Variants in HORMAD2 observed in about 807,000 individuals in gnomAD.
The protein encoded by HORMAD2 is HORMA domain containing 2.
A neutral mutation model predicts 38.8 loss-of-function variants in HORMAD2; 45 were observed. The ratio of observed to expected loss-of-function variants is 1.16; its 90% CI spans 0.91 to 1.49. HORMAD2 has a LOEUF of 1.49. Among genes scored for constraint, HORMAD2 ranks in the 40% most tolerant of loss-of-function variants. The pLI, the probability that HORMAD2 is intolerant of heterozygous loss-of-function variation, is 0.00. For synonymous variants in HORMAD2, 126 were observed against 122.8 expected, an observed-to-expected ratio of 1.03 and a Z score of -0.17; for missense variants, 338 against 367.0, an observed-to-expected ratio of 0.92 and a Z score of 0.65.
chr22:30,172,395 G>A (rs1346361688), intron 10 of HORMAD2, among the ~76,000 whole-genome samples: 2 of 152,186 alleles, frequency 1.3e-5, no homozygotes, highest in East Asian at 3.8e-4. Context: ...TACTGTAATT[G>A]TGTACTTAAT....
the HORMAD2 span, among the ~76,000 whole-genome samples, chr22:30,182,265 T>G: frequency 6.6e-6 from 1 of 152,174 alleles, no homozygotes. Flanking sequence ...GCTCAATGAG[T>G]TAATACAGGA....
At chr22:30,127,311 C>T (rs555160636) in intron 10 of HORMAD2, among the ~76,000 whole-genome samples, 5 of 146,444 alleles carry the variant, frequency 3.4e-5, no homozygotes, top group South Asian at 2.2e-4. Context: ...CTGATTCAAG[C>T]GATTCTCCTG....
At chr22:30,164,646 T>G (rs148563926) in intron 10 of HORMAD2, among the ~76,000 whole-genome samples, 6 of 152,182 alleles carry the variant, frequency 3.9e-5, no homozygotes, top group Admixed American at 2.0e-4. Flanking sequence ...AACTCAGGAT[T>G]TTGTTTGTTT....
intron 10 of HORMAD2, among the ~76,000 whole-genome samples, chr22:30,146,259 G>C (rs1236487544): frequency 6.6e-6 from 1 of 152,184 alleles, no homozygotes; most frequent in Non-Finnish European, 1.5e-5. Flanking sequence ...TGGGGAGGCT[G>C]AGGCCAGTGG....
At chr22:30,195,329 T>A in the HORMAD2 span, among the ~76,000 whole-genome samples, 1 of 152,220 alleles carries the variant, frequency 6.6e-6, no homozygotes, top group African/African-American at 2.4e-5. Flanking sequence ...GATCCTTTCA[T>A]TTCAAGGAGC....
chr22:30,137,433 G>A (rs1435602813), intron 10 of HORMAD2: 2 of 389,010 alleles, frequency 5.1e-6, no homozygotes, highest in Non-Finnish European at 1.0e-5. Context: ...GCTGCAGTGA[G>A]CTGTTGATCA....
intron 7 of HORMAD2, among the ~76,000 whole-genome samples, chr22:30,117,670 G>A (rs1307195554): frequency 6.6e-6 from 1 of 151,830 alleles, no homozygotes; most frequent in South Asian, 2.1e-4. Flanking sequence ...CACCACGCCC[G>A]GCTAATTTTT....
chr22:30,168,453 G>A (rs1443848566), intron 10 of HORMAD2, among the ~76,000 whole-genome samples: 1 of 152,138 alleles, frequency 6.6e-6, no homozygotes, highest in Non-Finnish European at 1.5e-5. Context: ...CATAGTCAAT[G>A]CCTGGTGGAC....
intron 10 of HORMAD2, among the ~76,000 whole-genome samples, chr22:30,145,947 A>G (rs1924385473): frequency 6.6e-6 from 1 of 152,226 alleles, no homozygotes; most frequent in Non-Finnish European, 1.5e-5. Flanking sequence ...ATGGACCACA[A>G]TATCTCTCAT....
intron 7 of HORMAD2, among the ~76,000 whole-genome samples, chr22:30,114,614 A>T (rs1921904782): frequency 1.3e-5 from 2 of 152,220 alleles, no homozygotes; most frequent in South Asian, 4.1e-4. Context: ...TTTCCTAAAC[A>T]AAATTGCACA....
rs2068450543 is a variant in HORMAD2 at position 30,080,510 on chromosome 22, C to T, written c.-38+19C>T. The T allele has an allele frequency of 6.6e-6, 1 of 152,318 alleles. No homozygotes were observed. The highest frequency in any genetic ancestry group is 2.1e-4 in the South Asian group (1 of 4,830). 9.4% of individuals were successfully genotyped at this position (152,318 alleles called of 1,614,324 possible). On this transcript the variant is annotated intron_variant, in intron 1 of 10. Coordinates refer to ENST00000336726, the MANE Select transcript of HORMAD2 (RefSeq NM_152510.4). ...AGCTGAGGTGAGGGCTGTTGAGACG[C>T]GAGGTCTCGGCCCAGAGAGGGCACT...
chr22:30,109,484 A>G (rs1380816491), intron 5 of HORMAD2, among the ~76,000 whole-genome samples: 1 of 151,938 alleles, frequency 6.6e-6, no homozygotes, highest in Non-Finnish European at 1.5e-5. Flanking sequence ...TGCCTAGCTA[A>G]TTATTTACTT....
At chr22:30,107,276 T>C (rs1921271407) in intron 5 of HORMAD2, among the ~76,000 whole-genome samples, 1 of 152,238 alleles carries the variant, frequency 6.6e-6, no homozygotes, top group Non-Finnish European at 1.5e-5. Context: ...AAATTTATTT[T>C]ACTAAATGTC....
chr22:30,102,075 AAAATT>A (rs1001312697), intron 3 of HORMAD2, among the ~76,000 whole-genome samples: 16 of 152,306 alleles, frequency 1.1e-4, no homozygotes, highest in Middle Eastern at 3.4e-3. Context: ...CTCAAAAAAA[AAAATT>A]ATCTTAAGTA....
intron 10 of HORMAD2, among the ~76,000 whole-genome samples, chr22:30,130,894 G>C (rs189161196): frequency 3.3e-5 from 5 of 152,158 alleles, no homozygotes; most frequent in East Asian, 1.9e-4. Context: ...ACCATGCCTG[G>C]CCAGGTCTTC....
chr22:30,142,589 A>G (rs1308688783), intron 10 of HORMAD2, among the ~76,000 whole-genome samples: 1 of 151,932 alleles, frequency 6.6e-6, no homozygotes, highest in Non-Finnish European at 1.5e-5. Flanking sequence ...TGACAGGTTG[A>G]TCCTTTTATT....
chr22:30,159,781 T>C (rs1489805958), intron 10 of HORMAD2, among the ~76,000 whole-genome samples: 1 of 152,092 alleles, frequency 6.6e-6, no homozygotes, highest in Non-Finnish European at 1.5e-5. Context: ...TGAAGACCAG[T>C]TGTGAGCTGC....
chr22:30,121,838 T>G, intron 9 of HORMAD2, 49 bp downstream of exon 9: 1 of 1,565,658 alleles, frequency 6.4e-7, no homozygotes, highest in Non-Finnish European at 8.6e-7. Context: ...TGAGCTAATA[T>G]TTTCTATAAG....
chr22:30,204,931 C>T, the HORMAD2 span, among the ~76,000 whole-genome samples: 1 of 152,186 alleles, frequency 6.6e-6, no homozygotes, highest in Admixed American at 6.5e-5. Context: ...GGAGCTGGAG[C>T]AGACGCCGTG....
Sources: gnomAD v4.1 joint callset for allele counts (sites outside exome capture counted in the v4.1 genomes callset) on GRCh38, gnomAD v4.1.1 for gene constraint, MANE v1.5 for transcripts, NCBI Gene and HGNC (gene_info 2026-07-23, HGNC 2026-07-21) for gene names.